PDZRN3: variants seen among roughly 807,000 people sequenced by gnomAD.
PDZRN3 encodes PDZ domain containing ring finger 3.
Under a neutral mutation model 85.7 loss-of-function variants are expected in PDZRN3, and 38 were observed. The observed-to-expected ratio is 0.44, with a 90% CI of 0.34 to 0.58. The LOEUF (loss-of-function observed/expected upper bound fraction) is 0.58. Among genes scored for constraint, PDZRN3 ranks in the 20% least tolerant of loss-of-function variants. The pLI is 0.01. For missense variants in PDZRN3, 1,629 were observed against 1,506.4 expected, an observed-to-expected ratio of 1.08 and a Z score of -1.35; for synonymous variants, 759 against 638.0, an observed-to-expected ratio of 1.19 and a Z score of -2.86.
At chr3:73,618,271 A>T (rs545507109) in intron 1 of PDZRN3, among the ~76,000 whole-genome samples, 1 of 152,338 alleles carries the variant, frequency 6.6e-6, no homozygotes, top group Admixed American at 6.5e-5. Flanking sequence ...AAAATAATGC[A>T]TGTACACCTC....
intron 1 of PDZRN3, among the ~76,000 whole-genome samples, chr3:73,614,945 A>C (rs929874607): frequency 6.6e-6 from 1 of 152,200 alleles, no homozygotes; most frequent in African/African-American, 2.4e-5. Flanking sequence ...CCAAAGCCTA[A>C]GACTGAAGGT....
At chr3:73,537,833 C>T (rs1057297969) in intron 3 of PDZRN3, among the ~76,000 whole-genome samples, 2 of 150,936 alleles carry the variant, frequency 1.3e-5, no homozygotes, top group Non-Finnish European at 2.9e-5. Context: ...ACTGTGTCGG[C>T]CAGGCTGGTC....
intron 3 of PDZRN3, among the ~76,000 whole-genome samples, chr3:73,552,118 C>T (rs943211336): frequency 6.6e-5 from 10 of 152,182 alleles, no homozygotes; most frequent in Non-Finnish European, 1.5e-4. Context: ...CATTCCTTTT[C>T]TCACTCCTTC....
chr3:73,603,894 C>CAT (rs1702555430), intron 2 of PDZRN3, among the ~76,000 whole-genome samples: 1 of 151,444 alleles, frequency 6.6e-6, no homozygotes. Flanking sequence ...CATACACACA[C>CAT]ACACACACAC....
At chr3:73,437,772 G>A (rs1032497615) in intron 3 of PDZRN3, among the ~76,000 whole-genome samples, 2 of 152,000 alleles carry the variant, frequency 1.3e-5, no homozygotes, top group Non-Finnish European at 2.9e-5. Flanking sequence ...AGCACATTTA[G>A]AATGGTGTTT....
chr3:73,532,374 C>T (rs529183611), intron 3 of PDZRN3, among the ~76,000 whole-genome samples: 1 of 152,298 alleles, frequency 6.6e-6, no homozygotes, highest in East Asian at 1.9e-4. Context: ...TCAAGCCTAC[C>T]AACTGCGGAG....
intron 3 of PDZRN3, among the ~76,000 whole-genome samples, chr3:73,507,518 T>C (rs752449615): frequency 1.3e-5 from 2 of 152,262 alleles, no homozygotes; most frequent in East Asian, 1.9e-4. Flanking sequence ...ACGTAAGGCA[T>C]AGGTATTTTT....
intron 3 of PDZRN3, among the ~76,000 whole-genome samples, chr3:73,460,995 T>G (rs1399413199): frequency 6.6e-6 from 1 of 152,126 alleles, no homozygotes; most frequent in South Asian, 2.1e-4. Flanking sequence ...GGCTTCATCA[T>G]GTTGGCCAGG....
chr3:73,588,110 G>C (rs1322983612), intron 3 of PDZRN3, among the ~76,000 whole-genome samples: 6 of 152,072 alleles, frequency 3.9e-5, no homozygotes, highest in Non-Finnish European at 8.8e-5. Context: ...AACAGGCCCT[G>C]GTGTGTGCTG....
At chr3:73,598,266 C>T (rs1343041866) in intron 3 of PDZRN3, among the ~76,000 whole-genome samples, 1 of 152,092 alleles carries the variant, frequency 6.6e-6, no homozygotes, top group Non-Finnish European at 1.5e-5. Context: ...AGTATAGGAA[C>T]CTTGCATTGT....
At chr3:73,451,727 CT>C (rs1702865837) in intron 3 of PDZRN3, among the ~76,000 whole-genome samples, 1 of 152,180 alleles carries the variant, frequency 6.6e-6, no homozygotes, top group Non-Finnish European at 1.5e-5. Context: ...CTTCCCCTTT[CT>C]TAAAATAACT....
At chr3:73,560,060 C>G (rs190514660) in intron 3 of PDZRN3, among the ~76,000 whole-genome samples, 5 of 152,278 alleles carry the variant, frequency 3.3e-5, no homozygotes, top group African/African-American at 4.8e-5. Flanking sequence ...GGGGACATCT[C>G]CCAGAGTCTG....
chr3:73,613,413 T>A (rs919539740), intron 1 of PDZRN3, among the ~76,000 whole-genome samples: 2 of 151,764 alleles, frequency 1.3e-5, no homozygotes, highest in Non-Finnish European at 2.9e-5. Flanking sequence ...CACAACAGGA[T>A]AGGAGAAACA....
Position 73,596,306 on chromosome 3 carries a change from T to C in PDZRN3, c.918+6048A>G, listed in dbSNP as rs1026480493. On this transcript the variant is annotated intron_variant, in intron 3 of 9. Coordinates refer to ENST00000263666, the MANE Select transcript of PDZRN3 (RefSeq NM_015009.3). ...CGGAAAGTCAACTAATGTGGAAGGA[T>C]TGGAGTTAGAAAAATCACCATTTGT... Among the ~76,000 whole-genome samples the C allele has an allele frequency of 9.2e-5, 14 of 152,058 alleles. No homozygotes were observed. The South Asian group carries it at 1.2e-3, about 14-fold the overall frequency.
intron 3 of PDZRN3, among the ~76,000 whole-genome samples, chr3:73,510,511 A>G (rs1704145095): frequency 6.6e-6 from 1 of 152,254 alleles, no homozygotes; most frequent in Admixed American, 6.5e-5. Flanking sequence ...AAGAGGCCTG[A>G]GTCAGAAGGA....
chr3:73,456,708 G>C (rs1195446438), intron 3 of PDZRN3, among the ~76,000 whole-genome samples: 2 of 152,188 alleles, frequency 1.3e-5, no homozygotes, highest in African/African-American at 4.8e-5. Context: ...TTCAACCATT[G>C]ATAGGTTAAG....
intron 3 of PDZRN3, among the ~76,000 whole-genome samples, chr3:73,600,333 ACACACT>A (rs1474520231): frequency 1.0e-4 from 4 of 38,492 alleles, no homozygotes; most frequent in African/African-American, 2.9e-4. Flanking sequence ...ACACACACAC[ACACACT>A]CTCTCTCTCT....
intron 6 of PDZRN3, among the ~76,000 whole-genome samples, chr3:73,390,401 T>C (rs1559651371): frequency 6.6e-6 from 1 of 152,136 alleles, no homozygotes; most frequent in Non-Finnish European, 1.5e-5. Flanking sequence ...GAGATAATTA[T>C]TAAGTCTAGT....
intron 3 of PDZRN3, among the ~76,000 whole-genome samples, chr3:73,595,658 C>A (rs1702420797): frequency 6.6e-6 from 1 of 152,102 alleles, no homozygotes; most frequent in Non-Finnish European, 1.5e-5. Context: ...TTTTAATTCA[C>A]TGATAACATC....
Sources: allele counts gnomAD v4.1 joint callset (sites outside exome capture counted in the v4.1 genomes callset), GRCh38; gene constraint gnomAD v4.1.1; transcripts MANE v1.5; gene names NCBI Gene and HGNC (gene_info 2026-07-23, HGNC 2026-07-21).